Variants in LRFN5 observed in about 807,000 individuals in gnomAD.
LRFN5 encodes the protein leucine rich repeat and fibronectin type III domain containing 5.
A neutral mutation model predicts 45.6 loss-of-function variants in LRFN5; 24 were observed. That is an observed-to-expected ratio of 0.53 (90% confidence interval 0.38 to 0.74). LRFN5 has a LOEUF of 0.74. LRFN5 is among the 30% of genes least tolerant of loss of function. The pLI is 0.00. For synonymous variants in LRFN5, 340 were observed against 313.8 expected, an observed-to-expected ratio of 1.08 and a Z score of -0.88; for missense variants, 776 against 861.5, an observed-to-expected ratio of 0.90 and a Z score of 1.24.
intron 1 of LRFN5, among the ~76,000 whole-genome samples, chr14:41,710,028 CACTT>C (rs1204835253): frequency 2.4e-4 from 37 of 152,108 alleles, no homozygotes; most frequent in African/African-American, 8.2e-4. Flanking sequence ...GCGTGTTTCA[CACTT>C]AATTATTACC....
In LRFN5 at chr14:41,671,540, C is replaced by T. The variant is rs28376351; in HGVS notation, c.-197+62978C>T. Among the ~76,000 whole-genome samples, 31 of 148,344 alleles carry T rather than the reference C, an allele frequency of 2.1e-4. 2 individuals carry two copies. In the South Asian group the frequency reaches 3.9e-3, roughly 19 times the overall value. ...TTAATTAAATCTTAAAATATTACTT[C>T]GTGGTATCACTTCCAAGCTCAAGAA... On this transcript the variant is annotated intron_variant, in intron 1 of 5. Transcript: ENST00000298119.
Position 41,608,274 on chromosome 14 carries a change from T to A in LRFN5, c.-485T>A, listed in dbSNP as rs1887582328. ...GTGAGTGTGAGCGTGTGTCTGTGTG[T>A]GCGTGCGCGGCCGCCCTGCCTCTGC... is the stretch of plus-strand genomic sequence containing the variant. On this transcript the variant is annotated 5_prime_UTR_variant, in exon 1 of 6. Transcript: ENST00000298119. 6.5e-6 allele frequency: 1 copy of A among 153,096 alleles called. No individual in the cohort carries two copies. The highest frequency in any genetic ancestry group is 2.4e-5 in the African/African-American group (1 of 41,456). The allele number at this position is 153,096 out of a possible 1,614,324, so 9.5% of individuals were successfully genotyped here.
intron 1 of LRFN5, among the ~76,000 whole-genome samples, chr14:41,760,517 AC>A (rs1343986013): frequency 2.6e-5 from 4 of 152,214 alleles, no homozygotes. Flanking sequence ...ACACATTTAC[AC>A]ATGAATCAGA....
chr14:41,896,972 A>C (rs1890960835), intron 4 of LRFN5, among the ~76,000 whole-genome samples: 1 of 151,652 alleles, frequency 6.6e-6, no homozygotes. Context: ...CGCACCTGTA[A>C]TACCAGCTAC....
rs1566486513 is a variant in LRFN5, at chr14:41,856,679, T to TATTA, written c.-20-29927_-20-29926insATTA. Among the ~76,000 whole-genome samples, 57 of 60,096 alleles carry TATTA rather than the reference T, an allele frequency of 9.5e-4. 2 individuals carry two copies. The highest frequency in any genetic ancestry group is 3.0e-3 in the African/African-American group (52 of 17,554). 39.4% of individuals were successfully genotyped at this position (60,096 alleles called of 152,430 possible). Reference sequence around the variant, plus strand: ...TTCCTAATTATTATTATTATTATTTTTTTTTTTTTTTTTTTGAGACGGAGT... The same window carrying TATTA: ...TTCCTAATTATTATTATTATTATTTTATTATTTTTTTTTTTTTTTGAGACGGAGT... On this transcript the variant is annotated intron_variant, in intron 2 of 5. Transcript: ENST00000298119.
intron 1 of LRFN5, among the ~76,000 whole-genome samples, chr14:41,748,286 A>T (rs76723038): frequency 0.013 from 1,989 of 152,224 alleles, 14 homozygotes; most frequent in Middle Eastern, 0.037. Flanking sequence ...GTCCATTAGC[A>T]GACAAATGGC....
intron 2 of LRFN5, among the ~76,000 whole-genome samples, chr14:41,790,036 T>C (rs1439252487): frequency 3.3e-5 from 5 of 151,920 alleles, no homozygotes; most frequent in African/African-American, 4.8e-5. Context: ...CCTTGAAAGC[T>C]TTCTCAAGTT....
At chr14:41,744,955 C>A (rs1396764577) in intron 1 of LRFN5, among the ~76,000 whole-genome samples, 1 of 152,020 alleles carries the variant, frequency 6.6e-6, no homozygotes, top group African/African-American at 2.4e-5. Flanking sequence ...TACTTCAATA[C>A]TTCACTCTCA....
chr14:41,872,368 T>C (rs1890048647), intron 2 of LRFN5, among the ~76,000 whole-genome samples: 1 of 152,236 alleles, frequency 6.6e-6, no homozygotes, highest in Non-Finnish European at 1.5e-5. Context: ...ATGCATGCTA[T>C]GTTTTTTTCT....
At chr14:41,902,168 C>T (rs1891122005) in intron 5 of LRFN5, among the ~76,000 whole-genome samples, 1 of 151,760 alleles carries the variant, frequency 6.6e-6, no homozygotes, top group Admixed American at 6.6e-5. Flanking sequence ...AGGGAGCTTG[C>T]ATTTCTTATT....
In LRFN5 at chr14:41,904,430, C is replaced by T. The variant is rs890486317; in HGVS notation, c.*255C>T. ...TTTTTTTTTTAAAAAAGAAAAAAAG[C>T]CTACATTGGCATCAAGTTCTGTATC... On this transcript the variant is annotated 3_prime_UTR_variant, in exon 6 of 6. Coordinates refer to ENST00000298119, the MANE Select transcript of LRFN5 (RefSeq NM_152447.5). The T allele has an allele frequency of 7.1e-6, 3 of 420,486 alleles. No homozygotes were observed. The highest frequency in any genetic ancestry group is 1.3e-5 in the Non-Finnish European group (3 of 238,694). 26.0% of individuals were successfully genotyped at this position (420,486 alleles called of 1,614,324 possible).
intron 1 of LRFN5, among the ~76,000 whole-genome samples, chr14:41,719,141 C>A (rs1207590841): frequency 3.9e-5 from 6 of 152,056 alleles, no homozygotes; most frequent in African/African-American, 1.4e-4. Flanking sequence ...AATTATCATG[C>A]AAAACACGAA....
At chr14:41,701,364 C>T (rs1170671268) in intron 1 of LRFN5, 2 of 152,064 alleles carry the variant, frequency 1.3e-5, no homozygotes, top group Non-Finnish European at 2.9e-5. Flanking sequence ...CCAATGGGGA[C>T]CTAAGCTTGT....
At chr14:41,822,219 A>C (rs538163240) in intron 2 of LRFN5, among the ~76,000 whole-genome samples, 6 of 150,668 alleles carry the variant, frequency 4.0e-5, no homozygotes, top group Middle Eastern at 3.4e-3. Flanking sequence ...TTATGTTCTT[A>C]TTTTTCTATT....
intron 1 of LRFN5, among the ~76,000 whole-genome samples, chr14:41,676,711 A>G (rs997273752): frequency 1.3e-5 from 2 of 152,304 alleles, no homozygotes; most frequent in Admixed American, 1.3e-4. Context: ...CAAAAGACCT[A>G]TAAATATGGG....
intron 4 of LRFN5, chr14:41,893,702 A>G: frequency 1.0e-6 from 1 of 985,290 alleles, no homozygotes; most frequent in South Asian, 4.7e-5. Context: ...GATGCCATTC[A>G]ATAGTATGTA....
At chr14:41,820,887 G>A (rs989088322) in intron 2 of LRFN5, among the ~76,000 whole-genome samples, 24 of 152,072 alleles carry the variant, frequency 1.6e-4, no homozygotes, top group African/African-American at 5.8e-4. Flanking sequence ...TATAAATGGA[G>A]CAGAGTTATT....
chr14:41,770,711 G>A (rs1035180719), intron 2 of LRFN5, among the ~76,000 whole-genome samples: 16 of 152,152 alleles, frequency 1.1e-4, no homozygotes, highest in African/African-American at 3.6e-4. Flanking sequence ...GCTCTCACAG[G>A]TTGCAGTTGT....
chr14:41,884,413 T>G (rs375989356), intron 2 of LRFN5, among the ~76,000 whole-genome samples: 1 of 152,166 alleles, frequency 6.6e-6, no homozygotes, highest in South Asian at 2.1e-4. Context: ...TAGATCAACA[T>G]TTCATATGGC....
Sources: gnomAD v4.1 joint callset for allele counts (sites outside exome capture counted in the v4.1 genomes callset) on GRCh38, gnomAD v4.1.1 for gene constraint, MANE v1.5 for transcripts, NCBI Gene and HGNC (gene_info 2026-07-23, HGNC 2026-07-21) for gene names.